The following RMND5A variants were observed in gnomAD, a reference collection of about 807,000 sequenced individuals.
RMND5A encodes E3 ubiquitin-protein transferase RMND5A.
A neutral mutation model predicts 49.7 loss-of-function variants in RMND5A; 17 were observed. The ratio of observed to expected loss-of-function variants is 0.34; its 90% confidence interval spans 0.23 to 0.51. The LOEUF (loss-of-function observed/expected upper bound fraction) is 0.51, where lower values mean the gene tolerates loss of function less well. Ranked by LOEUF, RMND5A falls within the 20% of genes least tolerant of loss-of-function variation. The pLI, the probability that RMND5A is intolerant of heterozygous loss-of-function variation, is 0.96. For synonymous variants in RMND5A, 156 were observed against 167.7 expected, an observed-to-expected ratio of 0.93 and a Z score of 0.54; for missense variants, 255 against 471.3, an observed-to-expected ratio of 0.54 and a Z score of 4.25.
intron 8 of RMND5A, among the ~76,000 whole-genome samples, chr2:86,772,281 C>G (rs1393155345): frequency 2.0e-5 from 3 of 152,020 alleles, no homozygotes; most frequent in Non-Finnish European, 4.4e-5. Flanking sequence ...AATCCCATCT[C>G]TACTAAAAAT....
intron 6 of RMND5A, 21 bp from the exon 7 acceptor site, chr2:86,770,002 T>G (rs992189119): frequency 1.9e-6 from 3 of 1,599,876 alleles, no homozygotes; most frequent in Admixed American, 1.7e-5. Context: ...GGCACTGACG[T>G]TTCCTCTTCT....
intron 8 of RMND5A, among the ~76,000 whole-genome samples, chr2:86,772,480 A>C (rs929237105): frequency 2.6e-5 from 4 of 152,162 alleles, no homozygotes; most frequent in African/African-American, 9.7e-5. Flanking sequence ...AAAACAAAAC[A>C]AAACAAAAAA....
chr2:86,744,838 G>A lies in RMND5A; in HGVS notation c.285+3769G>A, dbSNP rs140410709. On this transcript the variant is annotated intron_variant, in intron 2 of 8. Transcript: ENST00000283632. Reference sequence around the variant, plus strand: ...CAGACAAGTAGCTGGGCCTACATGCGCTTGCTACCATGCCCAGTTAATTTT... The same window carrying A: ...CAGACAAGTAGCTGGGCCTACATGCACTTGCTACCATGCCCAGTTAATTTT... Among the ~76,000 whole-genome samples the A allele has an allele frequency of 3.3e-5, 5 of 152,120 alleles. No homozygotes were observed. In the East Asian group the frequency reaches 5.8e-4, roughly 18 times the overall value.
rs35942120 is a variant in RMND5A, at chr2:86,760,965, A to AGTGTGTGTGT, written c.522-4032_522-4023dup. On this transcript the variant is annotated intron_variant, in intron 4 of 8. Coordinates refer to ENST00000283632, the MANE Select transcript of RMND5A (RefSeq NM_022780.4). The stretch of plus-strand genomic sequence containing the variant: ...CTTCTACTTTGGATTGAGAGAGAGA[A>AGTGTGTGTGT]GTGTGTGTGTGTGTGTGTGTGTGTG... 3.8e-3 allele frequency among the ~76,000 whole-genome samples: 554 copies of AGTGTGTGTGT among 145,430 alleles called. 3 individuals carry two copies. Among genetic ancestry groups the AGTGTGTGTGT allele is most frequent in the African/African-American group, 7.7e-3 (300 of 39,128 alleles).
rs1304058525 is a variant in RMND5A at position 86,762,727 on chromosome 2, C to CAT, written c.522-2293_522-2292dup. Among the ~76,000 whole-genome samples the CAT allele has an allele frequency of 3.7e-3, 129 of 35,184 alleles. 2 individuals carry two copies. Among genetic ancestry groups the CAT allele is most frequent in the African/African-American group, 0.012 (125 of 10,636 alleles). The allele number at this position is 35,184 out of a possible 152,430, so 23.1% of individuals were successfully genotyped here. ...TATATATCATATATATCATATATATCATATATATCATATATATATATCACA... is the reference window on the plus strand; with the variant it reads ...TATATATCATATATATCATATATATCATATATATATCATATATATATATCACA... On this transcript the variant is annotated intron_variant, in intron 4 of 8. Transcript: ENST00000283632.
chr2:86,746,935 A>G (rs1681547027), intron 2 of RMND5A, among the ~76,000 whole-genome samples: 1 of 152,248 alleles, frequency 6.6e-6, no homozygotes, highest in Non-Finnish European at 1.5e-5. Context: ...GAATGTCTAC[A>G]TCAAAAAATG....
intron 6 of RMND5A, among the ~76,000 whole-genome samples, chr2:86,766,679 A>G (rs867707800): frequency 9.3e-5 from 14 of 151,350 alleles, no homozygotes; most frequent in South Asian, 6.3e-4. Flanking sequence ...AAAAAAAAAA[A>G]AAAGAAAAGA....
At chr2:86,748,013 A>T (rs1487335765) in intron 2 of RMND5A, among the ~76,000 whole-genome samples, 1 of 152,178 alleles carries the variant, frequency 6.6e-6, no homozygotes, top group Non-Finnish European at 1.5e-5. Context: ...TAAGAACAGG[A>T]TGCCAAAGCT....
intron 4 of RMND5A, among the ~76,000 whole-genome samples, chr2:86,754,967 A>C (rs1681705540): frequency 6.6e-6 from 1 of 152,142 alleles, no homozygotes; most frequent in South Asian, 2.1e-4. Context: ...ATTATAATAG[A>C]TCTCACTTAA....
intron 1 of RMND5A, 92 bp downstream of exon 1, chr2:86,720,901 C>T (rs1350139482): frequency 4.5e-5 from 58 of 1,277,664 alleles, no homozygotes; most frequent in Non-Finnish European, 5.7e-5. Flanking sequence ...CACCCTCGCG[C>T]CTCTGGCCCG....
At chr2:86,761,590 T>C (rs1252824341) in intron 4 of RMND5A, among the ~76,000 whole-genome samples, 1 of 152,182 alleles carries the variant, frequency 6.6e-6, no homozygotes, top group Non-Finnish European at 1.5e-5. Context: ...AGGGAGAAGC[T>C]TGGAAGTCCC....
At position 86,720,972 on chromosome 2, in the gene RMND5A, T is replaced by A. The variant is rs377701571; in HGVS notation, c.142+163T>A. ...CCCCTGAGACTTTTTCCCCTCTTCGTCCGATTTACCTCGAACCTGCCGCGA... is the reference window on the plus strand; with the variant it reads ...CCCCTGAGACTTTTTCCCCTCTTCGACCGATTTACCTCGAACCTGCCGCGA... On this transcript the variant is annotated intron_variant, in intron 1 of 8. Coordinates refer to ENST00000283632, the MANE Select transcript of RMND5A (RefSeq NM_022780.4). 977 of 574,622 alleles carry A rather than the reference T, an allele frequency of 1.7e-3. 11 individuals carry two copies. Among genetic ancestry groups the A allele is most frequent in the African/African-American group, 0.017 (816 of 48,818 alleles). The allele number at this position is 574,622 out of a possible 1,614,324, so 35.6% of individuals were successfully genotyped here.
intron 4 of RMND5A, among the ~76,000 whole-genome samples, chr2:86,763,720 G>A (rs1287734951): frequency 6.6e-6 from 1 of 151,936 alleles, no homozygotes; most frequent in African/African-American, 2.4e-5. Flanking sequence ...AGGCTGCAGT[G>A]AGCCACGATT....
chr2:86,720,907 G>A (rs1237806290), intron 1 of RMND5A, 98 bp downstream of exon 1: 3 of 1,225,246 alleles, frequency 2.4e-6, no homozygotes. Flanking sequence ...CGCGCCTCTG[G>A]CCCGGCCCTT....
At chr2:86,765,639 AAATTAT>A in intron 5 of RMND5A, 1 of 503,494 alleles carries the variant, frequency 2.0e-6, no homozygotes, top group Non-Finnish European at 3.5e-6. Context: ...AGAAGAATTT[AAATTAT>A]AAGTTCAGTA....
At chr2:86,747,324 A>G (rs1309772141) in intron 2 of RMND5A, among the ~76,000 whole-genome samples, 2 of 152,090 alleles carry the variant, frequency 1.3e-5, no homozygotes, top group Admixed American at 1.3e-4. Flanking sequence ...TGTGCATTTC[A>G]TGTTCTGTCC....
intron 2 of RMND5A, among the ~76,000 whole-genome samples, chr2:86,750,429 C>T (rs142644748): frequency 6.6e-6 from 1 of 152,288 alleles, no homozygotes; most frequent in East Asian, 1.9e-4. Context: ...AATGTCATGC[C>T]ACTTCTTTCT....
At position 86,770,287 on chromosome 2, in the gene RMND5A, G is replaced by A. The variant is rs188882078; in HGVS notation, c.957+162G>A. On this transcript the variant is annotated intron_variant, in intron 7 of 8. Transcript: ENST00000283632. ...TTAAACAATACAAATGAAGAGCCTA[G>A]TACATTTTGGGGACCCTGGAGGAGG... 7.7e-4 allele frequency among the ~76,000 whole-genome samples: 117 copies of A among 152,296 alleles called. 3 individuals carry two copies. Among genetic ancestry groups the A allele is most frequent in the African/African-American group, 2.6e-3 (106 of 41,564 alleles).
chr2:86,764,903 G>C, intron 4 of RMND5A, 124 bp from the exon 5 acceptor site: 1 of 858,732 alleles, frequency 1.2e-6, no homozygotes, highest in Non-Finnish European at 1.8e-6. Flanking sequence ...AGGGATTGAT[G>C]TTACCATAGA....
Sources: gnomAD v4.1 joint callset for allele counts (sites outside exome capture counted in the v4.1 genomes callset) on GRCh38, gnomAD v4.1.1 for gene constraint, MANE v1.5 for transcripts, NCBI Gene and HGNC (gene_info 2026-07-23, HGNC 2026-07-21) for gene names.